Variants in UGGT2 observed in about 807,000 individuals in gnomAD.
The protein encoded by UGGT2 is UDP-glucose:glycoprotein glucosyltransferase 2.
In UGGT2, 180 loss-of-function variants were observed where a neutral mutation model predicts 192.1. The ratio of observed to expected loss-of-function variants is 0.94; its 90% CI spans 0.83 to 1.06. UGGT2 has a LOEUF of 1.06. Among genes scored for constraint, UGGT2 ranks in the 50% least tolerant of loss-of-function variants. The pLI is 0.00. For missense variants in UGGT2, 1,849 were observed against 1,795.7 expected (o/e 1.03, Z -0.54); for synonymous variants, 580 against 591.0 (o/e 0.98, Z 0.27).
At chr13:95,898,060 G>C (rs2047997444) in intron 22 of UGGT2, among the ~76,000 whole-genome samples, 1 of 151,994 alleles carries the variant, frequency 6.6e-6, no homozygotes, top group Admixed American at 6.6e-5. Flanking sequence ...GACAATTCCT[G>C]TCCATTCTTC....
intron 27 of UGGT2, 116 bp from the exon 28 acceptor site, chr13:95,877,972 T>A: frequency 9.6e-7 from 1 of 1,043,930 alleles, no homozygotes; most frequent in Non-Finnish European, 1.3e-6. Context: ...TGGCTAACTT[T>A]AAGTCTTTAT....
chr13:96,010,062 C>T (rs1328908820), intron 5 of UGGT2, among the ~76,000 whole-genome samples: 1 of 151,956 alleles, frequency 6.6e-6, no homozygotes, highest in Non-Finnish European at 1.5e-5. Flanking sequence ...TAAACTAGTT[C>T]ATTTAAAGCA....
intron 38 of UGGT2, among the ~76,000 whole-genome samples, chr13:95,822,234 T>C (rs899154215): frequency 1.3e-5 from 2 of 152,128 alleles, no homozygotes; most frequent in Non-Finnish European, 2.9e-5. Context: ...CTTTCAGCAG[T>C]TTTCCTTGTA....
rs546360407 is a variant in UGGT2 at position 95,873,181 on chromosome 13, G to A, written c.3473+4098C>T. On this transcript the variant is annotated intron_variant, in intron 29 of 38. Transcript: ENST00000376747. ...CAGTTTGCACAAAATTTAAAAAGCTGAAACAAAGCATGAATGCTTCTTAAA... is the reference window on the plus strand; with the variant it reads ...CAGTTTGCACAAAATTTAAAAAGCTAAAACAAAGCATGAATGCTTCTTAAA... Among the ~76,000 whole-genome samples, 5 of 152,318 alleles carry A rather than the reference G, an allele frequency of 3.3e-5. No homozygotes were observed. In the South Asian group the frequency reaches 1.0e-3, roughly 32 times the overall value.
intron 1 of UGGT2, among the ~76,000 whole-genome samples, chr13:96,050,420 G>T (rs2053450874): frequency 6.6e-6 from 1 of 152,150 alleles, no homozygotes; most frequent in Non-Finnish European, 1.5e-5. Context: ...ATAGGCATGG[G>T]CAAGGACTTC....
intron 38 of UGGT2, among the ~76,000 whole-genome samples, chr13:95,804,915 C>T (rs1225738266): frequency 6.6e-6 from 1 of 151,938 alleles, no homozygotes; most frequent in East Asian, 1.9e-4. Context: ...AAAAATATAA[C>T]AAAAGTAAAA....
chr13:95,897,254 A>G (rs2047972378), intron 22 of UGGT2, among the ~76,000 whole-genome samples: 1 of 152,030 alleles, frequency 6.6e-6, no homozygotes, highest in Non-Finnish European at 1.5e-5. Context: ...TCACAGTGTA[A>G]TGTAATTAAT....
intron 1 of UGGT2, among the ~76,000 whole-genome samples, chr13:96,048,384 A>G (rs2053382597): frequency 1.3e-5 from 2 of 152,232 alleles, no homozygotes; most frequent in African/African-American, 4.8e-5. Flanking sequence ...AGAAAGCAGG[A>G]AAGATCTAAA....
At chr13:95,840,359 A>G (rs1218764472) in intron 36 of UGGT2, among the ~76,000 whole-genome samples, 2 of 152,188 alleles carry the variant, frequency 1.3e-5, no homozygotes, top group Non-Finnish European at 2.9e-5. Context: ...GAAAAAAAAC[A>G]ACCCCATCAA....
chr13:95,901,134 T>G (rs2048093971), intron 21 of UGGT2, among the ~76,000 whole-genome samples, 196 bp from the exon 22 acceptor site: 1 of 152,118 alleles, frequency 6.6e-6, no homozygotes, highest in African/African-American at 2.4e-5. Context: ...TGCTTAAATC[T>G]TGTTACAAGT....
rs190641314 is a variant in UGGT2 at position 95,807,234 on chromosome 13, A to G, written c.4529-5422T>C. Among the ~76,000 whole-genome samples the G allele has an allele frequency of 2.0e-4, 31 of 152,326 alleles. 1 individual carries two copies. The East Asian group carries it at 5.6e-3, about 27-fold the overall frequency. On this transcript the variant is annotated intron_variant, in intron 38 of 38. Transcript: ENST00000376747. ...ACTATTCATTAAGTGCAAGTGGGTC[A>G]TCAGAAAGGTCTTCATCCTCATTGT...
chr13:95,926,835 TAAAC>T (rs1278031002), intron 19 of UGGT2, among the ~76,000 whole-genome samples, 189 bp downstream of exon 19: 22 of 152,142 alleles, frequency 1.4e-4, no homozygotes, highest in Admixed American at 3.9e-4. Flanking sequence ...AAAAATAAGA[TAAAC>T]AAAGTTAGAA....
chr13:96,047,970 T>C (rs1037050172), intron 1 of UGGT2, among the ~76,000 whole-genome samples: 15 of 152,054 alleles, frequency 9.9e-5, no homozygotes, highest in African/African-American at 3.4e-4. Context: ...TGAACTCAGC[T>C]CTGCACCAAG....
chr13:95,931,998 A>C (rs7328714), intron 17 of UGGT2, among the ~76,000 whole-genome samples: 55,315 of 151,812 alleles, frequency 0.36, 10,354 homozygotes, highest in Middle Eastern at 0.41. Context: ...TCTCAATATG[A>C]TGCCTTCAGA....
chr13:96,034,754 G>A (rs1300961385), intron 1 of UGGT2, among the ~76,000 whole-genome samples: 1 of 152,200 alleles, frequency 6.6e-6, no homozygotes, highest in African/African-American at 2.4e-5. Flanking sequence ...GTACAAAGCT[G>A]GTGCCTGTGC....
At chr13:96,035,369 C>T (rs1166972993) in intron 1 of UGGT2, among the ~76,000 whole-genome samples, 1 of 152,106 alleles carries the variant, frequency 6.6e-6, no homozygotes, top group African/African-American at 2.4e-5. Context: ...ATGCAGAAAA[C>T]TGAAACTGGA....
intron 29 of UGGT2, among the ~76,000 whole-genome samples, chr13:95,868,755 A>G (rs999077309): frequency 3.9e-5 from 6 of 152,216 alleles, no homozygotes; most frequent in African/African-American, 1.4e-4. Flanking sequence ...ACTGAGACCC[A>G]GAGTATAAAA....
intron 15 of UGGT2, among the ~76,000 whole-genome samples, chr13:95,945,484 A>T (rs59906993): frequency 0.016 from 2,504 of 152,170 alleles, 70 homozygotes; most frequent in African/African-American, 0.058. Context: ...TTGTTTTTCC[A>T]GGAGATTATA....
chr13:95,849,874 T>A (rs538771801), intron 36 of UGGT2, among the ~76,000 whole-genome samples: 1 of 149,242 alleles, frequency 6.7e-6, no homozygotes, highest in Admixed American at 6.7e-5. Flanking sequence ...ATATATTAAT[T>A]ATATATTAAC....
Sources: allele counts gnomAD v4.1 joint callset (sites outside exome capture counted in the v4.1 genomes callset), GRCh38; gene constraint gnomAD v4.1.1; transcripts MANE v1.5; gene names NCBI Gene and HGNC (gene_info 2026-07-23, HGNC 2026-07-21).